PKNOX1: variants seen among roughly 807,000 people sequenced by gnomAD.
The protein encoded by PKNOX1 is homeobox protein PKNOX1.
A neutral mutation model predicts 51.9 loss-of-function variants in PKNOX1; 15 were observed. The ratio of observed to expected loss-of-function variants is 0.29; its 90% CI spans 0.19 to 0.45. The LOEUF is 0.45. PKNOX1 is among the 20% of genes least tolerant of loss of function. The probability of loss-of-function intolerance (pLI) is 1.00; values close to 1 mark genes in which losing one functional copy is unlikely to be tolerated. For synonymous variants in PKNOX1, 219 were observed against 211.1 expected (o/e 1.04, Z -0.32); for missense variants, 462 against 547.5 (o/e 0.84, Z 1.56).
chr21:43,029,761 A>G (rs1980165426), intron 10 of PKNOX1, 129 bp from the exon 11 acceptor site: 3 of 806,190 alleles, frequency 3.7e-6, no homozygotes, highest in African/African-American at 1.7e-5. Context: ...CCTGTTGAAC[A>G]TTCCCTAAAC....
intron 9 of PKNOX1, among the ~76,000 whole-genome samples, chr21:43,027,746 C>CCT (rs3838119): frequency 0.24 from 36,245 of 151,778 alleles, 4,697 homozygotes; most frequent in Non-Finnish European, 0.29. Flanking sequence ...GGTGTAACCC[C>CCT]GTTTACTAAA....
At chr21:43,014,205 T>A (rs1979382842) in intron 5 of PKNOX1, among the ~76,000 whole-genome samples, 1 of 152,062 alleles carries the variant, frequency 6.6e-6, no homozygotes, top group Non-Finnish European at 1.5e-5. Flanking sequence ...GTATTTTTAG[T>A]AGAGACGGGG....
chr21:42,999,155 C>T (rs1369636043), intron 1 of PKNOX1, among the ~76,000 whole-genome samples: 1 of 152,248 alleles, frequency 6.6e-6, no homozygotes, highest in Non-Finnish European at 1.5e-5. Context: ...GGCCCAATGC[C>T]ATGTGGAAGC....
At chr21:43,025,728 T>G (rs1038511902) in intron 9 of PKNOX1, among the ~76,000 whole-genome samples, 5 of 152,220 alleles carry the variant, frequency 3.3e-5, no homozygotes, top group Non-Finnish European at 5.9e-5. Context: ...AAAACTGGCA[T>G]GCATAAAAGA....
intron 1 of PKNOX1, among the ~76,000 whole-genome samples, chr21:42,980,719 G>A (rs2839613): frequency 0.038 from 5,813 of 152,268 alleles, 140 homozygotes; most frequent in Middle Eastern, 0.061. Flanking sequence ...CTTAGTAACC[G>A]GATTGAGCTG....
chr21:43,020,138 G>T (rs1324732888), intron 7 of PKNOX1, among the ~76,000 whole-genome samples: 1 of 151,984 alleles, frequency 6.6e-6, no homozygotes, highest in African/African-American at 2.4e-5. Context: ...TCACTATGTT[G>T]CCCATGCTGG....
At chr21:43,027,913 C>T (rs1980052598) in intron 9 of PKNOX1, among the ~76,000 whole-genome samples, 1 of 152,072 alleles carries the variant, frequency 6.6e-6, no homozygotes, top group Non-Finnish European at 1.5e-5. Flanking sequence ...GAGACTCCAT[C>T]TCAAAAATAC....
At chr21:43,028,104 C>A (rs1002373179) in intron 9 of PKNOX1, among the ~76,000 whole-genome samples, 1 of 152,208 alleles carries the variant, frequency 6.6e-6, no homozygotes, top group African/African-American at 2.4e-5. Context: ...GGAGGACTTA[C>A]GCCTCCAGTC....
At chr21:42,996,567 T>G (rs1978514689) in intron 1 of PKNOX1, among the ~76,000 whole-genome samples, 1 of 151,700 alleles carries the variant, frequency 6.6e-6, no homozygotes, top group South Asian at 2.1e-4. Context: ...CATGGACAGT[T>G]CTCATAAAGA....
chr21:43,002,117 AGAGT>A (rs1194795710), intron 1 of PKNOX1, among the ~76,000 whole-genome samples: 1 of 152,092 alleles, frequency 6.6e-6, no homozygotes, highest in Non-Finnish European at 1.5e-5. Context: ...ATCAGCTCTC[AGAGT>A]GCTGAGATTA....
chr21:43,013,299 A>T (rs954492390), intron 5 of PKNOX1, 61 bp downstream of exon 5: 1 of 1,226,592 alleles, frequency 8.2e-7, no homozygotes, highest in African/African-American at 1.5e-5. Context: ...GCATTGAGTC[A>T]TGAGACCACC....
chr21:43,030,205 T>C lies in PKNOX1; in HGVS notation c.*104T>C, dbSNP rs747879752. ...TATGTAGATATAGAAGAGTGCACTT[T>C]TGTATTTCATAGTAAGCTTAAAGCG... is the stretch of plus-strand genomic sequence containing the variant. On this transcript the variant is annotated 3_prime_UTR_variant, in exon 11 of 11. Transcript: ENST00000291547. 1.0e-5 allele frequency: 9 copies of C among 903,630 alleles called. No individual in the cohort carries two copies. The highest frequency in any genetic ancestry group is 1.9e-5 in the South Asian group (1 of 52,240). 56.0% of individuals were successfully genotyped at this position (903,630 alleles called of 1,614,324 possible).
intron 6 of PKNOX1, 64 bp downstream of exon 6, chr21:43,017,071 A>C: frequency 9.8e-7 from 1 of 1,016,690 alleles, no homozygotes; most frequent in Admixed American, 1.8e-5. Context: ...CCTGTGTGTT[A>C]GAATGACAGT....
intron 1 of PKNOX1, among the ~76,000 whole-genome samples, chr21:42,998,882 G>T (rs1978622469): frequency 6.6e-6 from 1 of 152,188 alleles, no homozygotes; most frequent in Non-Finnish European, 1.5e-5. Flanking sequence ...GGTGCATGGT[G>T]CAAGCTGTTG....
intron 8 of PKNOX1, among the ~76,000 whole-genome samples, chr21:43,022,944 C>G (rs1184721907): frequency 3.9e-5 from 6 of 152,112 alleles, no homozygotes; most frequent in Non-Finnish European, 7.4e-5. Flanking sequence ...AGAACAACAC[C>G]AAGTGGTGGG....
chr21:43,018,228 C>G lies in PKNOX1; in HGVS notation c.718C>G (p.Gln240Glu). ...TGGGACAATTAGGATCCAGAACTCC[C>G]AGGTGCGTGCGCCATTTTATGGAAG... ...SPGTIRIQNS[Q>E]LQLQLNQDLS... is the part of the protein sequence containing the mutation. Residue 240 changes from glutamine to glutamate, a missense_variant and splice_region_variant, in exon 7 of 11, where the codon CAG (glutamine) becomes GAG (glutamate). Coordinates refer to ENST00000291547, the MANE Select transcript of PKNOX1 (RefSeq NM_004571.5). The G allele has an allele frequency of 1.2e-6, 2 of 1,609,298 alleles. No homozygotes were observed. Among genetic ancestry groups the G allele is most frequent in the Non-Finnish European group, 1.7e-6 (2 of 1,175,776 alleles).
intron 7 of PKNOX1, among the ~76,000 whole-genome samples, chr21:43,019,085 A>G: frequency 5.8e-5 from 1 of 17,200 alleles, no homozygotes; most frequent in African/African-American, 3.2e-4. Context: ...ACTCCATCTC[A>G]AAAAAAAAAA....
intron 1 of PKNOX1, among the ~76,000 whole-genome samples, chr21:42,993,714 A>G (rs1219846583): frequency 5.8e-4 from 48 of 83,450 alleles, no homozygotes; most frequent in African/African-American, 2.1e-3. Context: ...AAAATTTGGT[A>G]TTCGTTAACT....
intron 4 of PKNOX1, among the ~76,000 whole-genome samples, chr21:43,012,329 G>C (rs774627699): frequency 6.6e-6 from 1 of 152,222 alleles, no homozygotes; most frequent in African/African-American, 2.4e-5. Flanking sequence ...GGAGGCTGAG[G>C]CAGGTGGATC....
Sources: gnomAD v4.1 joint callset for allele counts (sites outside exome capture counted in the v4.1 genomes callset) on GRCh38, gnomAD v4.1.1 for gene constraint, MANE v1.5 for transcripts, NCBI Gene and HGNC (gene_info 2026-07-23, HGNC 2026-07-21) for gene names.